Variants in LRMDA observed in about 807,000 individuals in gnomAD.
LRMDA encodes the protein leucine rich melanocyte differentiation associated.
In LRMDA, 18 loss-of-function variants were observed where a neutral mutation model predicts 29.8. The ratio of observed to expected loss-of-function variants is 0.60; its 90% CI spans 0.42 to 0.90. The LOEUF is 0.90. Among genes scored for constraint, LRMDA ranks in the 40% least tolerant of loss-of-function variants. The probability of loss-of-function intolerance (pLI) is 0.00; values close to 1 mark genes in which losing one functional copy is unlikely to be tolerated. For missense variants in LRMDA, 273 were observed against 273.9 expected (o/e 1.00, Z 0.02); for synonymous variants, 125 against 109.4 (o/e 1.14, Z -0.89).
At chr10:75,682,439 G>A (rs972886078) in intron 2 of LRMDA, among the ~76,000 whole-genome samples, 2 of 151,108 alleles carry the variant, frequency 1.3e-5, no homozygotes, top group African/African-American at 4.9e-5. Flanking sequence ...GTGGGGGTGT[G>A]TGTGTGTGTG....
intron 2 of LRMDA, among the ~76,000 whole-genome samples, chr10:75,857,907 G>A (rs1303168250): frequency 1.3e-5 from 2 of 152,200 alleles, no homozygotes; most frequent in Non-Finnish European, 2.9e-5. Flanking sequence ...CTGTTTTACT[G>A]GCCCTACAGG....
chr10:76,289,210 AG>A (rs893926461), intron 5 of LRMDA, among the ~76,000 whole-genome samples: 23 of 152,240 alleles, frequency 1.5e-4, no homozygotes, highest in African/African-American at 5.5e-4. Context: ...TTCCTCAATG[AG>A]GGGGAAATTC....
At chr10:75,492,458 C>CCTG (rs2132061857) in intron 2 of LRMDA, among the ~76,000 whole-genome samples, 1 of 152,292 alleles carries the variant, frequency 6.6e-6, no homozygotes, top group Non-Finnish European at 1.5e-5. Flanking sequence ...ATTCACATTT[C>CCTG]CTGCTAGTCG....
intron 5 of LRMDA, among the ~76,000 whole-genome samples, chr10:76,250,826 C>A (rs1484076296): frequency 6.6e-6 from 1 of 152,172 alleles, no homozygotes; most frequent in Non-Finnish European, 1.5e-5. Flanking sequence ...GGGATTTATG[C>A]CTGGGACCTG....
chr10:75,876,152 C>A, intron 2 of LRMDA, among the ~76,000 whole-genome samples: 1 of 152,204 alleles, frequency 6.6e-6, no homozygotes, highest in East Asian at 1.9e-4. Context: ...GACCTGGTAG[C>A]AGGACACATG....
At chr10:75,530,195 A>G (rs1483645491) in intron 2 of LRMDA, among the ~76,000 whole-genome samples, 1 of 152,134 alleles carries the variant, frequency 6.6e-6, no homozygotes, top group Non-Finnish European at 1.5e-5. Context: ...GAAACATGCC[A>G]GTGGGATTAT....
At chr10:75,521,638 G>C (rs753536084) in intron 2 of LRMDA, among the ~76,000 whole-genome samples, 1 of 152,212 alleles carries the variant, frequency 6.6e-6, no homozygotes, top group Non-Finnish European at 1.5e-5. Context: ...ACTAGGAAAG[G>C]GTAATCCCCT....
chr10:75,990,387 T>C (rs932693844), intron 2 of LRMDA, among the ~76,000 whole-genome samples: 10 of 152,238 alleles, frequency 6.6e-5, no homozygotes, highest in African/African-American at 2.2e-4. Context: ...CAGTAGTTTG[T>C]CTTTGAAATC....
intron 2 of LRMDA, among the ~76,000 whole-genome samples, chr10:76,019,482 A>T (rs1847934169): frequency 6.6e-6 from 1 of 152,166 alleles, no homozygotes; most frequent in Non-Finnish European, 1.5e-5. Context: ...TTATGAACTC[A>T]TCATGATTTG....
At chr10:75,589,342 C>T (rs1219490620) in intron 2 of LRMDA, among the ~76,000 whole-genome samples, 1 of 152,124 alleles carries the variant, frequency 6.6e-6, no homozygotes, top group Non-Finnish European at 1.5e-5. Flanking sequence ...TTGCATTTCT[C>T]TTATTATGAA....
At chr10:76,213,783 T>A (rs955066049) in intron 5 of LRMDA, among the ~76,000 whole-genome samples, 2 of 152,236 alleles carry the variant, frequency 1.3e-5, no homozygotes, top group Admixed American at 1.3e-4. Context: ...CCTTTAAAAT[T>A]TGAAACAAAT....
intron 5 of LRMDA, among the ~76,000 whole-genome samples, chr10:76,240,894 A>G (rs939352873): frequency 3.3e-5 from 5 of 151,524 alleles, no homozygotes; most frequent in African/African-American, 1.2e-4. Flanking sequence ...ACATACACAC[A>G]TACATACACA....
chr10:75,804,340 C>T (rs1231571779), intron 2 of LRMDA, among the ~76,000 whole-genome samples: 1 of 152,172 alleles, frequency 6.6e-6, no homozygotes, highest in Non-Finnish European at 1.5e-5. Flanking sequence ...GCTCTCACCA[C>T]ATTGTTCTAG....
At chr10:75,904,618 A>G (rs1299019680) in intron 2 of LRMDA, among the ~76,000 whole-genome samples, 1 of 152,196 alleles carries the variant, frequency 6.6e-6, no homozygotes, top group Non-Finnish European at 1.5e-5. Flanking sequence ...TGAAAATGTC[A>G]CAGCGAGGGA....
chr10:76,296,817 A>C (rs1175052689), intron 5 of LRMDA, among the ~76,000 whole-genome samples: 1 of 152,214 alleles, frequency 6.6e-6, no homozygotes, highest in Admixed American at 6.5e-5. Context: ...CTTGTTTGTT[A>C]ATTCATTTGC....
In LRMDA at chr10:75,727,017, G is replaced by A. The variant is rs987776809; in HGVS notation, c.131+288523G>A. 4.6e-5 allele frequency among the ~76,000 whole-genome samples: 7 copies of A among 152,292 alleles called. No homozygotes were observed. In the South Asian group the frequency reaches 1.2e-3, roughly 27 times the overall value. ...CCTATTAAGTACTACCTTACAAATT[G>A]CTTTCACCTTTGACGTTCCCAGTAA... On this transcript the variant is annotated intron_variant, in intron 2 of 6. Transcript: ENST00000611255.
At chr10:76,070,653 C>G (rs1206571236) in intron 5 of LRMDA, among the ~76,000 whole-genome samples, 2 of 152,194 alleles carry the variant, frequency 1.3e-5, no homozygotes, top group East Asian at 3.8e-4. Flanking sequence ...GGCATTGCCC[C>G]TCTATTTCTG....
chr10:76,195,877 T>A (rs1294413577), intron 5 of LRMDA, among the ~76,000 whole-genome samples: 1 of 152,234 alleles, frequency 6.6e-6, no homozygotes, highest in African/African-American at 2.4e-5. Context: ...TCTTTTAGGA[T>A]AAAATATGTC....
chr10:76,173,174 A>G (rs1196321122), intron 5 of LRMDA, among the ~76,000 whole-genome samples: 1 of 152,230 alleles, frequency 6.6e-6, no homozygotes, highest in African/African-American at 2.4e-5. Context: ...CTAGCAGAAG[A>G]AAAGATTAGT....
Sources: gnomAD v4.1 joint callset for allele counts (sites outside exome capture counted in the v4.1 genomes callset) on GRCh38, gnomAD v4.1.1 for gene constraint, MANE v1.5 for transcripts, NCBI Gene and HGNC (gene_info 2026-07-23, HGNC 2026-07-21) for gene names.